Variants in GPATCH1 observed in about 807,000 individuals in gnomAD.
GPATCH1 encodes the protein G patch domain-containing protein 1.
Under a neutral mutation model 114.9 loss-of-function variants are expected in GPATCH1, and 73 were observed. The observed-to-expected ratio is 0.64, with a 90% confidence interval of 0.53 to 0.77. The LOEUF (loss-of-function observed/expected upper bound fraction) is 0.77. GPATCH1 is among the 30% of genes least tolerant of loss of function. The probability of loss-of-function intolerance (pLI) is 0.00; values close to 1 mark genes in which losing one functional copy is unlikely to be tolerated. For synonymous variants in GPATCH1, 391 were observed against 428.4 expected (o/e 0.91, Z 1.08); for missense variants, 1,058 against 1,144.3 (o/e 0.92, Z 1.09).
chr19:33,099,685 G>A (rs897737482), intron 8 of GPATCH1, among the ~76,000 whole-genome samples: 5 of 151,036 alleles, frequency 3.3e-5, no homozygotes, highest in African/African-American at 9.7e-5. Flanking sequence ...TGCAACCTCC[G>A]TCCCCCGGGT....
At chr19:33,123,675 G>A (rs892186557) in intron 17 of GPATCH1, among the ~76,000 whole-genome samples, 12 of 151,898 alleles carry the variant, frequency 7.9e-5, no homozygotes, top group East Asian at 1.9e-4. Context: ...TATGTGAACC[G>A]AGGTCAAGGC....
intron 2 of GPATCH1, among the ~76,000 whole-genome samples, chr19:33,090,294 T>G (rs1599851036): frequency 6.6e-6 from 1 of 152,316 alleles, no homozygotes; most frequent in African/African-American, 2.4e-5. Flanking sequence ...CTGTGAATGT[T>G]GCCTGGATTC....
intron 5 of GPATCH1, among the ~76,000 whole-genome samples, chr19:33,095,249 T>G (rs1379032226): frequency 6.6e-6 from 1 of 150,482 alleles, no homozygotes; most frequent in African/African-American, 2.4e-5. Flanking sequence ...TGAAGAGTTA[T>G]CAGTGAGGTT....
chr19:33,102,590 T>C (rs1477509059), intron 9 of GPATCH1, among the ~76,000 whole-genome samples: 3 of 151,644 alleles, frequency 2.0e-5, no homozygotes, highest in Non-Finnish European at 2.9e-5. Context: ...AGAGATGGGG[T>C]TTCACCATGT....
At chr19:33,100,413 C>T (rs1972712090) in intron 8 of GPATCH1, 1 of 151,788 alleles carries the variant, frequency 6.6e-6, no homozygotes, top group South Asian at 2.1e-4. Context: ...CATGGTAAAA[C>T]CTCGTCTCTA....
At chr19:33,083,374 G>A (rs377698775) in intron 1 of GPATCH1, among the ~76,000 whole-genome samples, 2 of 149,696 alleles carry the variant, frequency 1.3e-5, no homozygotes, top group East Asian at 3.9e-4. Flanking sequence ...GACTCTCTAC[G>A]CCTGGCCCCA....
chr19:33,104,504 T>TA (rs1329780203), intron 9 of GPATCH1, among the ~76,000 whole-genome samples: 9 of 152,012 alleles, frequency 5.9e-5, no homozygotes, highest in Non-Finnish European at 1.0e-4. Context: ...GCTAAGATGA[T>TA]AAAAAAACAG....
Position 33,093,446 on chromosome 19 carries a change from G to C in GPATCH1, c.382G>C (p.Ala128Pro), listed in dbSNP as rs150894192. The C allele has an allele frequency of 5.5e-4, 884 of 1,613,800 alleles. 1 individual carries two copies. Among genetic ancestry groups the C allele is most frequent in the Admixed American group, 1.0e-3 (61 of 59,964 alleles). Residue 128 changes from alanine to proline, a missense_variant, in exon 4 of 20, where the codon GCT (alanine) becomes CCT (proline). Coordinates refer to ENST00000170564, the MANE Select transcript of GPATCH1 (RefSeq NM_018025.3). ...AACCAAAGACAGAATACGAGAAAAGGCTAGGCAGTTGGCCGCTGCTACTGC... is the reference window on the plus strand; with the variant it reads ...AACCAAAGACAGAATACGAGAAAAGCCTAGGCAGTTGGCCGCTGCTACTGC... Reference protein sequence around the residue: ...SKTKDRIREKARQLAAATAPI... With the variant: ...SKTKDRIREKPRQLAAATAPI...
intron 1 of GPATCH1, among the ~76,000 whole-genome samples, chr19:33,084,652 CCTTTTTTTTTTTTT>C (rs1322335167): frequency 4.0e-5 from 6 of 151,700 alleles, no homozygotes; most frequent in East Asian, 1.9e-4. Flanking sequence ...CTGACCTTGC[CCTTTTTTTTTTTTT>C]CTTTTTTTTT....
chr19:33,094,211 G>T lies in GPATCH1; in HGVS notation c.495G>T (p.Trp165Cys). The T allele has an allele frequency of 6.2e-7, 1 of 1,610,456 alleles. No individual in the cohort carries two copies. Among genetic ancestry groups the T allele is most frequent in the Non-Finnish European group, 8.5e-7 (1 of 1,176,624 alleles). The change falls in exon 5 of 20, where the codon TGG becomes TGT. Residue 165 changes from tryptophan to cysteine, a missense_variant. Physicochemically the swap from Trp to Cys is radical, Grantham distance 215. This residue lies in a region of GPATCH1 where 893 missense variants were observed against 977.4 expected (regional missense o/e 0.91). Coordinates refer to ENST00000170564, the MANE Select transcript of GPATCH1 (RefSeq NM_018025.3). ...VGFELLRKMG[W>C]KEGQGVGPRV... Reference sequence around the variant, plus strand: ...TCGAATTGCTAAGAAAAATGGGTTGGAAAGAAGGACAAGGAGTTGGTCCTC... The same window carrying T: ...TCGAATTGCTAAGAAAAATGGGTTGTAAAGAAGGACAAGGAGTTGGTCCTC...
chr19:33,117,834 A>G lies in GPATCH1; in HGVS notation c.2206A>G (p.Lys736Glu). ...PELSANQTVN[K>E]DVDAQAEGEG... is the part of the protein sequence containing the mutation. Reference sequence around the variant, plus strand: ...TTCACTGTCAATACAGACCGTCAACAAAGATGTGGACGCACAGGCTGAAGG... The same window carrying G: ...TTCACTGTCAATACAGACCGTCAACGAAGATGTGGACGCACAGGCTGAAGG... The change falls in exon 16 of 20, where the codon AAA (lysine) becomes GAA (glutamate). Residue 736 changes from lysine to glutamate, a missense_variant. Lys to Glu is a moderately conservative substitution (Grantham distance 56, BLOSUM62 1). This residue lies in a region of GPATCH1 where 893 missense variants were observed against 977.4 expected (regional missense o/e 0.91). Transcript: ENST00000170564. 1 of 1,612,814 alleles carries G rather than the reference A, an allele frequency of 6.2e-7. No individual in the cohort carries two copies. The highest frequency in any genetic ancestry group is 8.5e-7 in the Non-Finnish European group (1 of 1,179,368).
chr19:33,094,037 A>C, intron 4 of GPATCH1, 135 bp from the exon 5 acceptor site: 1 of 626,146 alleles, frequency 1.6e-6, no homozygotes, highest in South Asian at 1.8e-5. Context: ...GGGTCACGCC[A>C]GATGTAATGT....
chr19:33,127,241 A>C (rs1568352545), intron 19 of GPATCH1, among the ~76,000 whole-genome samples: 1 of 151,346 alleles, frequency 6.6e-6, no homozygotes, highest in African/African-American at 2.4e-5. Context: ...AATTCAGGCC[A>C]GGCGCGGTGG....
chr19:33,122,799 T>C (rs1168430201), intron 17 of GPATCH1, among the ~76,000 whole-genome samples: 1 of 152,148 alleles, frequency 6.6e-6, no homozygotes, highest in African/African-American at 2.4e-5. Flanking sequence ...GTGCGGTGGC[T>C]CACGCCTATA....
intron 17 of GPATCH1, among the ~76,000 whole-genome samples, chr19:33,120,846 C>T (rs980025259): frequency 4.6e-5 from 7 of 151,666 alleles, no homozygotes; most frequent in South Asian, 2.1e-4. Flanking sequence ...AAAAATTAGC[C>T]GGACGTGGTG....
intron 5 of GPATCH1, among the ~76,000 whole-genome samples, chr19:33,094,675 C>G (rs1303886395): frequency 6.6e-6 from 1 of 152,126 alleles, no homozygotes; most frequent in Non-Finnish European, 1.5e-5. Flanking sequence ...TGTGAGAGTT[C>G]ATGTTTCCTA....
At chr19:33,126,845 A>C (rs1429378679) in intron 19 of GPATCH1, 112 bp downstream of exon 19, 1 of 902,932 alleles carries the variant, frequency 1.1e-6, no homozygotes, top group South Asian at 1.7e-5. Context: ...GGCCGGGTGC[A>C]GTGGCTCACG....
At chr19:33,089,961 G>T (rs1195119987) in intron 2 of GPATCH1, among the ~76,000 whole-genome samples, 1 of 135,520 alleles carries the variant, frequency 7.4e-6, no homozygotes, top group Non-Finnish European at 1.6e-5. Flanking sequence ...TTTGAGACAG[G>T]GTCTCACTCT....
At chr19:33,092,552 G>A (rs1216357650) in intron 3 of GPATCH1, among the ~76,000 whole-genome samples, 1 of 152,174 alleles carries the variant, frequency 6.6e-6, no homozygotes, top group East Asian at 1.9e-4. Flanking sequence ...TACCACTCCT[G>A]CAATGTGTGG....
Sources: allele counts gnomAD v4.1 joint callset (sites outside exome capture counted in the v4.1 genomes callset), GRCh38; gene constraint gnomAD v4.1.1; regional missense constraint gnomAD v4.1.1; transcripts MANE v1.5; gene names NCBI Gene and HGNC (gene_info 2026-07-23, HGNC 2026-07-21).